The following ITGB3BP variants were observed in gnomAD, a reference collection of about 807,000 sequenced individuals.
ITGB3BP encodes the protein centromere protein R.
ITGB3BP carries 27 observed loss-of-function variants against 29.1 expected under a neutral mutation model. That is an observed-to-expected ratio of 0.93 (90% CI 0.68 to 1.28). The LOEUF (loss-of-function observed/expected upper bound fraction) is 1.28. Ranked by LOEUF, ITGB3BP falls within the 50% of genes most tolerant of loss-of-function variation. The pLI, the probability that ITGB3BP is intolerant of heterozygous loss-of-function variation, is 0.00. For missense variants in ITGB3BP, 192 were observed against 200.2 expected (o/e 0.96, Z 0.25); for synonymous variants, 61 against 61.4 (o/e 0.99, Z 0.03).
intron 1 of ITGB3BP, among the ~76,000 whole-genome samples, chr1:63,514,194 T>C (rs57459611): frequency 0.012 from 1,903 of 152,330 alleles, 48 homozygotes; most frequent in African/African-American, 0.044. Context: ...ACCCAGGTTG[T>C]TGCACATCAG....
At chr1:63,507,231 A>T (rs573762286) in intron 2 of ITGB3BP, among the ~76,000 whole-genome samples, 1 of 152,212 alleles carries the variant, frequency 6.6e-6, no homozygotes, top group Non-Finnish European at 1.5e-5. Flanking sequence ...TGGTACTACT[A>T]AATCAGTTGG....
intron 3 of ITGB3BP, 31 bp downstream of exon 3, chr1:63,490,052 T>C (rs1401220271): frequency 6.9e-6 from 11 of 1,592,884 alleles, no homozygotes; most frequent in Non-Finnish European, 8.6e-6. Context: ...AGAAAAACCT[T>C]ACAATAAGTA....
intron 4 of ITGB3BP, among the ~76,000 whole-genome samples, chr1:63,476,327 C>T (rs555092856): frequency 6.6e-6 from 1 of 152,082 alleles, no homozygotes; most frequent in Admixed American, 6.5e-5. Context: ...CCATGCCCAG[C>T]TAATTTTTGT....
chr1:63,486,623 A>G (rs571120009), intron 3 of ITGB3BP, among the ~76,000 whole-genome samples: 1 of 152,168 alleles, frequency 6.6e-6, no homozygotes, highest in African/African-American at 2.4e-5. Context: ...GAGGAACTAC[A>G]GCTGCAGACC....
rs565335926 is a variant in ITGB3BP, at chr1:63,465,267, A to T, written c.255-10299T>A. 1.3e-4 allele frequency among the ~76,000 whole-genome samples: 20 copies of T among 152,308 alleles called. No homozygotes were observed. The South Asian group carries it at 4.1e-3, about 32-fold the overall frequency. ...AAAGTACATGTGACAAAATGTTAAC[A>T]ATTTGCGACTCTGGGGGAGTGTTCA... On this transcript the variant is annotated intron_variant, in intron 4 of 8. Transcript: ENST00000271002.
At chr1:63,449,138 A>C (rs1644828438) in intron 7 of ITGB3BP, among the ~76,000 whole-genome samples, 1 of 152,148 alleles carries the variant, frequency 6.6e-6, no homozygotes, top group Admixed American at 6.5e-5. Flanking sequence ...AAAATTTATG[A>C]AACCTTTGCA....
chr1:63,451,532 A>AAG (rs77867583), intron 7 of ITGB3BP, among the ~76,000 whole-genome samples: 1 of 152,122 alleles, frequency 6.6e-6, no homozygotes, highest in Admixed American at 6.5e-5. Context: ...CTTAAAATGA[A>AAG]TATGAGCAGA....
chr1:63,462,897 C>T (rs1645039912), intron 4 of ITGB3BP, among the ~76,000 whole-genome samples: 1 of 152,054 alleles, frequency 6.6e-6, no homozygotes, highest in South Asian at 2.1e-4. Context: ...GCAGAAATAA[C>T]AAAAAATACA....
At chr1:63,513,735 T>A (rs1217369171) in intron 1 of ITGB3BP, among the ~76,000 whole-genome samples, 1 of 152,158 alleles carries the variant, frequency 6.6e-6, no homozygotes, top group South Asian at 2.1e-4. Context: ...TTGAAATTCC[T>A]CCATCCAAAG....
chr1:63,522,320 T>C (rs970564992), intron 1 of ITGB3BP, among the ~76,000 whole-genome samples: 2 of 152,216 alleles, frequency 1.3e-5, no homozygotes, highest in African/African-American at 2.4e-5. Context: ...TGTGTTACTT[T>C]GCATTTTACT....
chr1:63,444,412 G>A (rs750740749), intron 8 of ITGB3BP, among the ~76,000 whole-genome samples: 1 of 148,626 alleles, frequency 6.7e-6, no homozygotes, highest in Non-Finnish European at 1.5e-5. Flanking sequence ...GAATATAAGT[G>A]TATGTGGATG....
intron 7 of ITGB3BP, chr1:63,449,202 T>C (rs1644829453): frequency 1.3e-5 from 2 of 152,676 alleles, no homozygotes; most frequent in African/African-American, 4.8e-5. Context: ...ATAATCAATA[T>C]CTTCTGCAGA....
chr1:63,462,472 C>A (rs1221765302), intron 4 of ITGB3BP, among the ~76,000 whole-genome samples: 1 of 152,110 alleles, frequency 6.6e-6, no homozygotes, highest in Non-Finnish European at 1.5e-5. Flanking sequence ...TTTTTCTTAT[C>A]TAATTGCTCT....
At chr1:63,519,991 A>G (rs916243286) in intron 1 of ITGB3BP, among the ~76,000 whole-genome samples, 1 of 152,170 alleles carries the variant, frequency 6.6e-6, no homozygotes, top group Non-Finnish European at 1.5e-5. Flanking sequence ...CTTGGAACAG[A>G]ATAAAGTTAA....
chr1:63,502,227 C>T (rs1482087373), intron 2 of ITGB3BP, among the ~76,000 whole-genome samples: 1 of 152,166 alleles, frequency 6.6e-6, no homozygotes, highest in African/African-American at 2.4e-5. Flanking sequence ...AGGCCAAATA[C>T]AGTAGATGAT....
chr1:63,470,787 T>C (rs114730033), intron 4 of ITGB3BP, among the ~76,000 whole-genome samples: 207 of 152,354 alleles, frequency 1.4e-3, no homozygotes, highest in African/African-American at 4.9e-3. Context: ...GTGGAATTTC[T>C]GTGCCATAAG....
At chr1:63,468,281 C>T (rs1421182657) in intron 4 of ITGB3BP, among the ~76,000 whole-genome samples, 1 of 152,032 alleles carries the variant, frequency 6.6e-6, no homozygotes, top group Non-Finnish European at 1.5e-5. Context: ...AGGGTAGGGT[C>T]ATGTAAGACT....
chr1:63,490,036 A>G (rs1557637169), intron 3 of ITGB3BP, 47 bp downstream of exon 3: 1 of 1,546,366 alleles, frequency 6.5e-7, no homozygotes, highest in Non-Finnish European at 8.8e-7. Context: ...GATTTGGCCA[A>G]TAACTAGAAA....
chr1:63,449,121 T>C (rs1301958438), intron 7 of ITGB3BP, among the ~76,000 whole-genome samples: 1 of 152,158 alleles, frequency 6.6e-6, no homozygotes, highest in African/African-American at 2.4e-5. Flanking sequence ...GTACACGCTG[T>C]AGAAGGAAAA....
Sources: gnomAD v4.1 joint callset for allele counts (sites outside exome capture counted in the v4.1 genomes callset) on GRCh38, gnomAD v4.1.1 for gene constraint, MANE v1.5 for transcripts, NCBI Gene and HGNC (gene_info 2026-07-23, HGNC 2026-07-21) for gene names.